NPEPPS: variants seen among roughly 807,000 people sequenced by gnomAD.
NPEPPS encodes puromycin-sensitive aminopeptidase.
A neutral mutation model predicts 115.5 loss-of-function variants in NPEPPS; 14 were observed. That is an observed-to-expected ratio of 0.12 (90% CI 0.08 to 0.19). The LOEUF (loss-of-function observed/expected upper bound fraction) is 0.19, where lower values mean the gene tolerates loss of function less well. Among genes scored for constraint, NPEPPS ranks in the 10% least tolerant of loss-of-function variants. The pLI is 1.00. For synonymous variants in NPEPPS, 285 were observed against 390.6 expected (o/e 0.73, Z 3.19); for missense variants, 523 against 1,110.8 (o/e 0.47, Z 7.52).
At chr17:47,608,324 A>G (rs1383006342) in intron 17 of NPEPPS, among the ~76,000 whole-genome samples, 1 of 152,138 alleles carries the variant, frequency 6.6e-6, no homozygotes, top group Non-Finnish European at 1.5e-5. Flanking sequence ...GCATGGTGGC[A>G]CACGCCTGTA....
At chr17:47,547,138 AG>A (rs1390208503) in intron 2 of NPEPPS, among the ~76,000 whole-genome samples, 3 of 152,220 alleles carry the variant, frequency 2.0e-5, no homozygotes, top group Non-Finnish European at 4.4e-5. Flanking sequence ...AGTTAGTTAC[AG>A]GGGAAGAACA....
At chr17:47,542,315 G>A (rs2143697321) in intron 1 of NPEPPS, among the ~76,000 whole-genome samples, 1 of 152,272 alleles carries the variant, frequency 6.6e-6, no homozygotes, top group East Asian at 1.9e-4. Context: ...GGGAGGCCGA[G>A]GCGGGCAGAT....
At chr17:47,562,099 C>A (rs1044347910) in intron 2 of NPEPPS, among the ~76,000 whole-genome samples, 1 of 152,214 alleles carries the variant, frequency 6.6e-6, no homozygotes, top group Non-Finnish European at 1.5e-5. Flanking sequence ...TGCACCTCTT[C>A]ATCTGCATTC....
intron 3 of NPEPPS, among the ~76,000 whole-genome samples, chr17:47,571,305 A>G (rs1406491081): frequency 6.6e-6 from 1 of 152,124 alleles, no homozygotes; most frequent in Non-Finnish European, 1.5e-5. Flanking sequence ...TCTGATTTTC[A>G]CAATTTTCCT....
At chr17:47,583,324 C>T (rs911266507) in intron 5 of NPEPPS, among the ~76,000 whole-genome samples, 1 of 152,064 alleles carries the variant, frequency 6.6e-6, no homozygotes, top group Non-Finnish European at 1.5e-5. Flanking sequence ...GTGGCTTACA[C>T]CTGTCATCCC....
intron 2 of NPEPPS, among the ~76,000 whole-genome samples, chr17:47,546,322 A>G (rs1909212127): frequency 6.6e-6 from 1 of 151,988 alleles, no homozygotes; most frequent in South Asian, 2.1e-4. Context: ...GCTATTTGGG[A>G]GGCTGAGGTG....
At chr17:47,577,247 A>G (rs941691426) in intron 3 of NPEPPS, 7 of 456,426 alleles carry the variant, frequency 1.5e-5, no homozygotes, top group African/African-American at 1.0e-4. Flanking sequence ...ACCATGAAAT[A>G]TGAATTATAT....
At chr17:47,559,343 G>GT (rs1910277692) in intron 2 of NPEPPS, among the ~76,000 whole-genome samples, 3 of 152,040 alleles carry the variant, frequency 2.0e-5, no homozygotes, top group Non-Finnish European at 4.4e-5. Context: ...TGCCTGGCCT[G>GT]TTTTTTCTTA....
At chr17:47,572,520 G>T (rs1911259980) in intron 3 of NPEPPS, among the ~76,000 whole-genome samples, 1 of 151,670 alleles carries the variant, frequency 6.6e-6, no homozygotes, top group Non-Finnish European at 1.5e-5. Flanking sequence ...ACTATCCTTA[G>T]AGAATTAAGA....
At chr17:47,560,315 C>T (rs3865308) in intron 2 of NPEPPS, among the ~76,000 whole-genome samples, 16 of 151,964 alleles carry the variant, frequency 1.1e-4, no homozygotes, top group Non-Finnish European at 1.5e-4. Context: ...GTGATTTTAA[C>T]GAAATAGTTC....
chr17:47,601,548 C>G lies in NPEPPS; in HGVS notation c.1601-60C>G, dbSNP rs1597879834. On this transcript the variant is annotated intron_variant, in intron 14 of 22. Coordinates refer to ENST00000322157, the MANE Select transcript of NPEPPS (RefSeq NM_006310.4). ...TCCTGGTTAGAACACCACCACTCCT[C>G]TCTCCACCTTACCTTCTGTTTGTCC... 18 of 1,598,856 alleles carry G rather than the reference C, an allele frequency of 1.1e-5. No homozygotes were observed. In the South Asian group the frequency reaches 1.9e-4, roughly 17 times the overall value.
intron 1 of NPEPPS, among the ~76,000 whole-genome samples, chr17:47,543,145 C>CAAAAAAAAAAAAAA (rs941024934): frequency 1.9e-5 from 1 of 53,082 alleles, no homozygotes. Context: ...GACTCCATCT[C>CAAAAAAAAAAAAAA]AAAAAAAAAA....
At chr17:47,525,987 G>A (rs1422976135) in intron 1 of NPEPPS, among the ~76,000 whole-genome samples, 1 of 152,186 alleles carries the variant, frequency 6.6e-6, no homozygotes, top group Non-Finnish European at 1.5e-5. Flanking sequence ...GAAGCAGGCA[G>A]ATCACCTGAG....
intron 2 of NPEPPS, among the ~76,000 whole-genome samples, chr17:47,548,863 C>T (rs1909428578): frequency 6.6e-6 from 1 of 152,012 alleles, no homozygotes; most frequent in African/African-American, 2.4e-5. Context: ...GCGTGAGCCA[C>T]TGCGCCCGAC....
chr17:47,612,410 AAAAATAG>A, intron 17 of NPEPPS, 43 bp from the exon 18 acceptor site: 1 of 1,593,058 alleles, frequency 6.3e-7, no homozygotes, highest in Middle Eastern at 1.8e-4. Flanking sequence ...GCAAACTTAT[AAAAATAG>A]GCTTTTTAAG....
chr17:47,612,941 G>A (rs547933614), intron 18 of NPEPPS, among the ~76,000 whole-genome samples: 2 of 152,182 alleles, frequency 1.3e-5, no homozygotes, highest in Admixed American at 6.5e-5. Flanking sequence ...GGGATTACAG[G>A]TGTGAGCTAC....
intron 1 of NPEPPS, among the ~76,000 whole-genome samples, chr17:47,531,943 G>T (rs964253902): frequency 6.6e-6 from 1 of 152,220 alleles, no homozygotes; most frequent in Non-Finnish European, 1.5e-5. Flanking sequence ...GGACGGAGAG[G>T]TCATGGGAGT....
upstream of NPEPPS, among the ~76,000 whole-genome samples, chr17:47,529,735 CATTATATATATATATATA>C (rs1242603263): frequency 1.8e-3 from 34 of 19,010 alleles, 4 homozygotes; most frequent in South Asian, 0.05. Context: ...ATTTCAGTTA[CATTATATATATATATATA>C]TATATATATA....
intron 15 of NPEPPS, 184 bp downstream of exon 15, chr17:47,601,931 G>A: frequency 1.7e-6 from 1 of 596,174 alleles, no homozygotes; most frequent in Non-Finnish European, 2.8e-6. Context: ...GGAAGGTAGT[G>A]GTAGAGAAGC....
Sources: allele counts gnomAD v4.1 joint callset (sites outside exome capture counted in the v4.1 genomes callset), GRCh38; gene constraint gnomAD v4.1.1; transcripts MANE v1.5; gene names NCBI Gene and HGNC (gene_info 2026-07-23, HGNC 2026-07-21).